Variants in USP20 observed in about 807,000 individuals in gnomAD.
USP20 encodes the protein ubiquitin specific peptidase 20, also known as ubiquitin carboxyl-terminal hydrolase 20.
In USP20, 80 loss-of-function variants were observed where a neutral mutation model predicts 124.2. The observed-to-expected ratio is 0.64, with a 90% confidence interval of 0.54 to 0.78. USP20 has a LOEUF of 0.78. Ranked by LOEUF, USP20 falls within the 30% of genes least tolerant of loss-of-function variation. The pLI is 0.00. For missense variants in USP20, 1,043 were observed against 1,244.4 expected (o/e 0.84, Z 2.44); for synonymous variants, 481 against 512.3 (o/e 0.94, Z 0.83).
At chr9:129,850,742 G>A (rs986924859) in intron 2 of USP20, among the ~76,000 whole-genome samples, 1 of 152,062 alleles carries the variant, frequency 6.6e-6, no homozygotes, top group Non-Finnish European at 1.5e-5. Flanking sequence ...CACAACTTCC[G>A]CCTCCTGGGT....
intron 1 of USP20, among the ~76,000 whole-genome samples, chr9:129,847,663 G>T (rs2032659555): frequency 6.6e-6 from 1 of 151,994 alleles, no homozygotes; most frequent in African/African-American, 2.4e-5. Context: ...ATAATAAAAT[G>T]CACGCACTTT....
chr9:129,872,496 T>A lies in USP20; in HGVS notation c.1661-986T>A, dbSNP rs12237046. ...TTTATGTGTCCAGATACGTGACTTA[T>A]AACCCTGTCCTCCCATCCTGTAGGG... On this transcript the variant is annotated intron_variant, in intron 15 of 25. Coordinates refer to ENST00000372429, the MANE Select transcript of USP20 (RefSeq NM_001110303.4). Among the ~76,000 whole-genome samples, 4 of 152,316 alleles carry A rather than the reference T, an allele frequency of 2.6e-5. No individual in the cohort carries two copies. In the East Asian group the frequency reaches 7.7e-4, roughly 29 times the overall value.
Position 129,868,412 on chromosome 9 carries a change from C to G in USP20, c.1098C>G (p.Pro366=), listed in dbSNP as rs781576329. The change falls in exon 11 of 26, where the codon CCC becomes CCG. Residue 366 remains proline, a synonymous_variant. Transcript: ENST00000372429. ...ALDDQPAEAQ[P]PSPRSSSPCR... ...ACGACCAGCCCGCGGAGGCCCAGCCCCCGTCACCACGGTCCTCCAGCCCCT... is the reference window on the plus strand; with the variant it reads ...ACGACCAGCCCGCGGAGGCCCAGCCGCCGTCACCACGGTCCTCCAGCCCCT... 1 of 1,612,216 alleles carries G rather than the reference C, an allele frequency of 6.2e-7. No individual in the cohort carries two copies. The highest frequency in any genetic ancestry group is 1.3e-5 in the African/African-American group (1 of 75,004).
In USP20 at chr9:129,875,617, A is replaced by C; in HGVS notation, c.2276A>C (p.Asn759Thr). Residue 759 changes from asparagine to threonine, a missense_variant, in exon 21 of 26, where the codon AAC becomes ACC. By Grantham distance (65) the Asn-to-Thr change is moderately conservative. Coordinates refer to ENST00000372429, the MANE Select transcript of USP20 (RefSeq NM_001110303.4). ...GACCTGGTGGTCATCCTGCCCCAGA[A>C]CGTCTGGGAGCACCTGTACAACAGG... is the stretch of plus-strand genomic sequence containing the variant. ...IDDLVVILPQ[N>T]VWEHLYNRFG... 1 of 1,613,984 alleles carries C rather than the reference A, an allele frequency of 6.2e-7. No individual in the cohort carries two copies. The highest frequency in any genetic ancestry group is 1.1e-5 in the South Asian group (1 of 91,080).
At chr9:129,852,132 C>CTG (rs2032954980) in intron 2 of USP20, among the ~76,000 whole-genome samples, 2 of 152,076 alleles carry the variant, frequency 1.3e-5, no homozygotes, top group Admixed American at 1.3e-4. Context: ...GCCTTCTCTG[C>CTG]CTGTATCCTT....
rs180921038 is a variant in USP20 at position 129,851,563 on chromosome 9, T to C, written c.-16-977T>C. On this transcript the variant is annotated intron_variant, in intron 2 of 25. Transcript: ENST00000372429. ...CACTTTTAACACACGTGTAGATCCA[T>C]GTAACCACCCCACACTCAAGATACA... is the stretch of plus-strand genomic sequence containing the variant. Among the ~76,000 whole-genome samples the C allele has an allele frequency of 3.1e-4, 46 of 146,420 alleles. 1 individual carries two copies. The highest frequency in any genetic ancestry group is 9.3e-4 in the African/African-American group (37 of 39,802).
intron 1 of USP20, among the ~76,000 whole-genome samples, chr9:129,847,942 A>ATTTTTT: frequency 6.9e-6 from 1 of 145,722 alleles, no homozygotes. Flanking sequence ...TCTAAATCCG[A>ATTTTTT]CTCATGATTT....
chr9:129,837,679 A>T (rs1166887675), intron 1 of USP20, among the ~76,000 whole-genome samples: 1 of 152,170 alleles, frequency 6.6e-6, no homozygotes, highest in Non-Finnish European at 1.5e-5. Flanking sequence ...AAAAGAAACA[A>T]ATAGAGCAAA....
At chr9:129,877,762 A>T (rs1053339236) in intron 22 of USP20, among the ~76,000 whole-genome samples, 5 of 152,072 alleles carry the variant, frequency 3.3e-5, no homozygotes, top group South Asian at 4.1e-4. Context: ...GGCACATTCT[A>T]TTCAACCGGA....
Position 129,875,324 on chromosome 9 carries a change from A to C in USP20, c.2063A>C (p.Glu688Ala). Residue 688 changes from glutamate (E) to alanine (A), a missense_variant, in exon 20 of 26, where the codon GAG becomes GCG. Coordinates refer to ENST00000372429, the MANE Select transcript of USP20 (RefSeq NM_001110303.4). The stretch of plus-strand genomic sequence containing the variant: ...TCACCCCACAGGAAGAGCAGCGAGG[A>C]GGCCATGCGGGAGCGACAGCAGGTG... The part of the protein sequence containing the change: ...YVLFYRKSSE[E>A]AMRERQQVVS... 6.2e-7 allele frequency: 1 copy of C among 1,608,844 alleles called. No homozygotes were observed. Among genetic ancestry groups the C allele is most frequent in the Non-Finnish European group, 8.5e-7 (1 of 1,177,410 alleles).
At chr9:129,870,656 AG>A (rs1336850221) in intron 15 of USP20, 109 bp downstream of exon 15, 58 of 1,260,444 alleles carry the variant, frequency 4.6e-5, no homozygotes, top group Non-Finnish European at 6.2e-5. Flanking sequence ...ATGCACAGCC[AG>A]GCTAGACTTG....
Position 129,870,313 on chromosome 9 carries a change from G to A in USP20, c.1566-140G>A, listed in dbSNP as rs2034054541. On this transcript the variant is annotated intron_variant, in intron 14 of 25. Coordinates refer to ENST00000372429, the MANE Select transcript of USP20 (RefSeq NM_001110303.4). ...GTGTCTGGCTCCAGGCCTCTGCCCC[G>A]ACCCGCCGTGCCCGGCTGCTTCTCT... The A allele has an allele frequency of 1.6e-5, 13 of 836,692 alleles. No individual in the cohort carries two copies. In the Admixed American group the frequency reaches 1.8e-4, roughly 11 times the overall value. 51.8% of individuals were successfully genotyped at this position (836,692 alleles called of 1,614,324 possible).
chr9:129,851,063 T>A (rs2032891240), intron 2 of USP20, among the ~76,000 whole-genome samples: 1 of 152,144 alleles, frequency 6.6e-6, no homozygotes, highest in Non-Finnish European at 1.5e-5. Context: ...TTGGCAACAG[T>A]TTGAAGCTAT....
At chr9:129,870,694 C>A in intron 15 of USP20, 147 bp downstream of exon 15, 2 of 865,192 alleles carry the variant, frequency 2.3e-6, no homozygotes, top group East Asian at 2.8e-5. Flanking sequence ...CCATCAGATA[C>A]CCACGCCCAC....
chr9:129,868,513 G>C, intron 11 of USP20, 64 bp downstream of exon 11: 1 of 1,529,802 alleles, frequency 6.5e-7, no homozygotes, highest in Non-Finnish European at 8.8e-7. Flanking sequence ...ACCGGGTGCT[G>C]AGCGCCGACC....
intron 10 of USP20, among the ~76,000 whole-genome samples, chr9:129,867,507 A>ACGCAGGG (rs1211723149): frequency 3.3e-5 from 5 of 152,246 alleles, no homozygotes; most frequent in Admixed American, 6.5e-5. Context: ...AGGGTAGAGC[A>ACGCAGGG]TGCAGGCAGT....
intron 22 of USP20, among the ~76,000 whole-genome samples, chr9:129,877,522 CAG>C (rs1376014391): frequency 2.0e-5 from 3 of 151,832 alleles, no homozygotes; most frequent in Non-Finnish European, 4.4e-5. Context: ...GACCCTGTCT[CAG>C]AACACAAACG....
chr9:129,859,523 C>T (rs1433890339), intron 6 of USP20, among the ~76,000 whole-genome samples: 1 of 151,810 alleles, frequency 6.6e-6, no homozygotes, highest in Non-Finnish European at 1.5e-5. Flanking sequence ...ATCCGCCTGC[C>T]TTGGCCTCCC....
intron 15 of USP20, 135 bp from the exon 16 acceptor site, chr9:129,873,347 G>A (rs2034224013): frequency 9.0e-7 from 1 of 1,114,490 alleles, no homozygotes; most frequent in Non-Finnish European, 1.4e-6. Flanking sequence ...GCCTCCCAAA[G>A]TGCTAGGATT....
Sources: allele counts gnomAD v4.1 joint callset (sites outside exome capture counted in the v4.1 genomes callset), GRCh38; gene constraint gnomAD v4.1.1; transcripts MANE v1.5; gene names NCBI Gene and HGNC (gene_info 2026-07-23, HGNC 2026-07-21).